The following WLS variants were observed in gnomAD, a reference collection of about 807,000 sequenced individuals.
WLS encodes protein wntless homolog.
A neutral mutation model predicts 62.8 loss-of-function variants in WLS; 23 were observed. The observed-to-expected ratio is 0.37, with a 90% confidence interval of 0.26 to 0.52. The LOEUF is 0.52. Among genes scored for constraint, WLS ranks in the 20% least tolerant of loss-of-function variants. The pLI is 0.92. For synonymous variants in WLS, 246 were observed against 244.1 expected (o/e 1.01, Z -0.07); for missense variants, 615 against 697.3 (o/e 0.88, Z 1.33).
At chr1:68,126,861 G>A (rs1333687634) in intron 11 of WLS, among the ~76,000 whole-genome samples, 1 of 152,078 alleles carries the variant, frequency 6.6e-6, no homozygotes, top group Non-Finnish European at 1.5e-5. Context: ...CCAACGGATG[G>A]GTCAGTCAGG....
intron 1 of WLS, among the ~76,000 whole-genome samples, chr1:68,205,723 T>C (rs1284937963): frequency 6.6e-6 from 1 of 152,192 alleles, no homozygotes; most frequent in African/African-American, 2.4e-5. Flanking sequence ...AAACAGTACC[T>C]ACCAGAGAAA....
At chr1:68,138,559 C>T (rs1483103109) in intron 10 of WLS, 1 of 152,202 alleles carries the variant, frequency 6.6e-6, no homozygotes, top group East Asian at 1.9e-4. Flanking sequence ...TATAACATCC[C>T]TTGAAGTAAG....
rs752468211 is a variant in WLS, at chr1:68,126,190, T to G, written c.*36A>C. 3.1e-6 allele frequency: 5 copies of G among 1,611,758 alleles called. No homozygotes were observed. The highest frequency in any genetic ancestry group is 4.2e-6 in the Non-Finnish European group (5 of 1,178,934). ...CCCACTCTAGTTAGAGGGGCTGGGG[T>G]ATGGAGAGACCGTCCCAGCCGGGCG... On this transcript the variant is annotated 3_prime_UTR_variant, in exon 12 of 12. Coordinates refer to ENST00000262348, the MANE Select transcript of WLS (RefSeq NM_024911.7).
At chr1:68,118,011 G>T (rs1156783435) in intron 11 of WLS, among the ~76,000 whole-genome samples, 1 of 151,376 alleles carries the variant, frequency 6.6e-6, no homozygotes, top group Non-Finnish European at 1.5e-5. Flanking sequence ...AAAAAATGTG[G>T]GTGACCTATT....
chr1:68,108,039 T>A (rs1167180814), intron 11 of WLS, among the ~76,000 whole-genome samples: 2 of 152,118 alleles, frequency 1.3e-5, no homozygotes, highest in African/African-American at 2.4e-5. Context: ...AATCAATAGG[T>A]CTTTTATTAG....
intron 2 of WLS, 77 bp downstream of exon 2, chr1:68,193,878 T>C (rs1648506515): frequency 6.5e-7 from 1 of 1,530,242 alleles, no homozygotes; most frequent in South Asian, 1.3e-5. Context: ...TTTACTTTTA[T>C]TAGAATTGGC....
At chr1:68,216,598 C>G (rs1017697629) in intron 1 of WLS, among the ~76,000 whole-genome samples, 4 of 152,180 alleles carry the variant, frequency 2.6e-5, no homozygotes, top group African/African-American at 9.7e-5. Flanking sequence ...AGGGCAGGCC[C>G]TCTCTACATT....
chr1:68,156,821 T>A (rs534157622), intron 3 of WLS, among the ~76,000 whole-genome samples: 25 of 152,316 alleles, frequency 1.6e-4, no homozygotes, highest in Non-Finnish European at 2.5e-4. Context: ...GGATGGGGGC[T>A]CTGCAGGTAC....
At position 68,125,906 on chromosome 1, in the gene WLS, A is replaced by AC; in HGVS notation, c.*319dup. 4 of 1,088,822 alleles carry AC rather than the reference A, an allele frequency of 3.7e-6. No individual in the cohort carries two copies. Among genetic ancestry groups the AC allele is most frequent in the Non-Finnish European group, 4.5e-6 (4 of 895,838 alleles). 67.4% of individuals were successfully genotyped at this position (1,088,822 alleles called of 1,614,324 possible). A position where few individuals can be genotyped will look rare whatever the true frequency, so the allele number is the denominator to read the frequency against. On this transcript the variant is annotated 3_prime_UTR_variant, in exon 12 of 12. Coordinates refer to ENST00000262348, the MANE Select transcript of WLS (RefSeq NM_024911.7). ...GCCCAAACCATCCCCCAAGGAATAC[A>AC]CCCCCACCCCACCCCCACATGAGGT... is the stretch of plus-strand genomic sequence containing the variant.
chr1:68,203,818 T>C (rs1036700393), intron 1 of WLS, among the ~76,000 whole-genome samples: 2 of 152,116 alleles, frequency 1.3e-5, no homozygotes, highest in African/African-American at 4.8e-5. Context: ...AGGCAAACAA[T>C]GGCACAGTTT....
At chr1:68,103,331 T>A (rs933054339) in intron 11 of WLS, among the ~76,000 whole-genome samples, 1 of 152,220 alleles carries the variant, frequency 6.6e-6, no homozygotes, top group African/African-American at 2.4e-5. Flanking sequence ...GGGAAGCAGG[T>A]GAGTGAAGAA....
intron 1 of WLS, among the ~76,000 whole-genome samples, chr1:68,222,898 G>C (rs1649997521): frequency 6.8e-6 from 1 of 146,050 alleles, no homozygotes; most frequent in Admixed American, 6.9e-5. Context: ...TGCTGCCAAG[G>C]TGTGGGGTGG....
In WLS at chr1:68,168,329, C is replaced by T. The variant is rs184377677; in HGVS notation, c.380-9082G>A. The stretch of plus-strand genomic sequence containing the variant: ...CAGGTATTTCCCAGCCAGGATAGTA[C>T]AAAGTGTATAAATTGGGCACCAAAT... On this transcript the variant is annotated intron_variant, in intron 2 of 11. Transcript: ENST00000262348. Among the ~76,000 whole-genome samples, 56 of 152,282 alleles carry T rather than the reference C, an allele frequency of 3.7e-4. 3 individuals are homozygous for T. Among genetic ancestry groups the T allele is most frequent in the African/African-American group, 1.3e-3 (52 of 41,548 alleles).
At chr1:68,171,362 T>C (rs1047531979) in intron 2 of WLS, among the ~76,000 whole-genome samples, 6 of 151,970 alleles carry the variant, frequency 3.9e-5, no homozygotes, top group African/African-American at 1.5e-4. Context: ...AAAGAAACTA[T>C]CATCAGAGTA....
intron 2 of WLS, among the ~76,000 whole-genome samples, chr1:68,188,102 C>A (rs1372802548): frequency 6.6e-6 from 1 of 152,190 alleles, no homozygotes; most frequent in Non-Finnish European, 1.5e-5. Context: ...GTGGCAAGTA[C>A]CTGCCCAAGT....
At chr1:68,231,398 A>G (rs954608590) in intron 1 of WLS, among the ~76,000 whole-genome samples, 2 of 152,060 alleles carry the variant, frequency 1.3e-5, no homozygotes, top group Non-Finnish European at 2.9e-5. Flanking sequence ...GGACGGGGAC[A>G]TTCACAGTCA....
At chr1:68,220,379 T>C (rs932788307) in intron 1 of WLS, among the ~76,000 whole-genome samples, 5 of 152,212 alleles carry the variant, frequency 3.3e-5, no homozygotes, top group Non-Finnish European at 5.9e-5. Context: ...GGCTCACATA[T>C]ATTAATTGAT....
At position 68,187,189 on chromosome 1, in the gene WLS, C is replaced by CAAAAAAAAAAAAAAAAAAAAAAAAAA. The variant is rs34130992; in HGVS notation, c.379+6765_379+6766insTTTTTTTTTTTTTTTTTTTTTTTTTT. ...GGGGGACAGAGCAAGACTCCATCTCCAAAAAAAAAAAAAAAAAAAAAATTA... is the reference window on the plus strand; with the variant it reads ...GGGGGACAGAGCAAGACTCCATCTCCAAAAAAAAAAAAAAAAAAAAAAAAAAAAAAAAAAAAAAAAAAAAAAAATTA... On this transcript the variant is annotated intron_variant, in intron 2 of 11. Coordinates refer to ENST00000262348, the MANE Select transcript of WLS (RefSeq NM_024911.7). Among the ~76,000 whole-genome samples, 245 of 57,074 alleles carry CAAAAAAAAAAAAAAAAAAAAAAAAAA rather than the reference C, an allele frequency of 4.3e-3. 15 individuals are homozygous for CAAAAAAAAAAAAAAAAAAAAAAAAAA. The highest frequency in any genetic ancestry group is 8.9e-3 in the East Asian group (17 of 1,920). The allele number at this position is 57,074 out of a possible 152,430, so 37.4% of individuals were successfully genotyped here.
intron 11 of WLS, among the ~76,000 whole-genome samples, chr1:68,132,430 A>T (rs752790815): frequency 3.3e-5 from 5 of 152,174 alleles, no homozygotes; most frequent in Non-Finnish European, 5.9e-5. Context: ...GCGTCAATAA[A>T]AGGGGGCAAC....
Sources: gnomAD v4.1 joint callset for allele counts (sites outside exome capture counted in the v4.1 genomes callset) on GRCh38, gnomAD v4.1.1 for gene constraint, MANE v1.5 for transcripts, NCBI Gene and HGNC (gene_info 2026-07-23, HGNC 2026-07-21) for gene names.